Variants in POLR2F observed in about 807,000 individuals in gnomAD.
POLR2F encodes the protein RNA polymerase II, I and III subunit F, also known as DNA-directed RNA polymerases I, II, and III subunit RPABC2.
Under a neutral mutation model 22.7 loss-of-function variants are expected in POLR2F, and 12 were observed. The observed-to-expected ratio is 0.53, with a 90% CI of 0.34 to 0.86. The LOEUF (loss-of-function observed/expected upper bound fraction) is 0.86. Ranked by LOEUF, POLR2F falls within the 40% of genes least tolerant of loss-of-function variation. POLR2F has a pLI of 0.02. For synonymous variants in POLR2F, 57 were observed against 66.0 expected, an observed-to-expected ratio of 0.86 and a Z score of 0.66; for missense variants, 126 against 171.5, an observed-to-expected ratio of 0.73 and a Z score of 1.48.
At chr22:37,970,029 C>T (rs990110790), downstream of POLR2F, among the ~76,000 whole-genome samples, 3 of 152,082 alleles carry the variant, frequency 2.0e-5, no homozygotes, top group Admixed American at 6.6e-5. Context: ...CGTGGTGGCT[C>T]ACACCTGTAA....
At chr22:37,969,806 G>C (rs922162847), downstream of POLR2F, among the ~76,000 whole-genome samples, 2 of 152,154 alleles carry the variant, frequency 1.3e-5, no homozygotes, top group Non-Finnish European at 2.9e-5. Flanking sequence ...CTAGCATAGG[G>C]TGTCTAAGAA....
intron 3 of POLR2F, among the ~76,000 whole-genome samples, chr22:37,960,452 C>T (rs1931587157): frequency 6.6e-6 from 1 of 152,160 alleles, no homozygotes; most frequent in Non-Finnish European, 1.5e-5. Context: ...GCCTGGAGTG[C>T]AGTGGCGCGT....
intron 4 of POLR2F, among the ~76,000 whole-genome samples, chr22:37,981,141 A>G (rs1932383208): frequency 6.6e-6 from 1 of 152,174 alleles, no homozygotes; most frequent in Non-Finnish European, 1.5e-5. Flanking sequence ...CACTCCACAC[A>G]GTCTGTGTGT....
intron 1 of POLR2F, 121 bp downstream of exon 1, chr22:37,953,928 G>C: frequency 1.6e-6 from 2 of 1,215,550 alleles, no homozygotes; most frequent in Non-Finnish European, 2.3e-6. Flanking sequence ...GGGTCCTGAG[G>C]GGGCCGGCGG....
chr22:38,013,446 A>T (rs1235135004), intron 1 of POLR2F, among the ~76,000 whole-genome samples: 1 of 152,218 alleles, frequency 6.6e-6, no homozygotes, highest in Non-Finnish European at 1.5e-5. Flanking sequence ...ACGCCCGGTC[A>T]GTTGTGACTT....
chr22:37,974,283 C>T (rs1161499795), downstream of POLR2F: 5 of 1,044,738 alleles, frequency 4.8e-6, no homozygotes, highest in African/African-American at 1.6e-5. This position sits in a 1 kb window ranked among gnomAD's most constrained non-coding sequence, Gnocchi z 5.4. Flanking sequence ...CCATGGTTCA[C>T]CTTCAGGCAG....
intron 1 of POLR2F, among the ~76,000 whole-genome samples, chr22:38,001,944 C>G (rs2084774332): frequency 6.6e-6 from 1 of 152,100 alleles, no homozygotes. Context: ...TCTCCCACTT[C>G]CGCCTCCTGA....
At chr22:38,007,419 C>T (rs1427504515) in intron 1 of POLR2F, among the ~76,000 whole-genome samples, 1 of 151,966 alleles carries the variant, frequency 6.6e-6, no homozygotes, top group Non-Finnish European at 1.5e-5. Context: ...AGCAGAGACC[C>T]ATGTCAGGGG....
upstream of POLR2F, chr22:37,983,335 C>G (rs1156578585): frequency 1.6e-5 from 25 of 1,595,802 alleles, no homozygotes; most frequent in Non-Finnish European, 2.0e-5. This position sits in a 1 kb window ranked among gnomAD's most constrained non-coding sequence, Gnocchi z 9.5. Flanking sequence ...GGCCCGAGCC[C>G]GGGGGGCGGT....
At chr22:38,027,052 G>A (rs578158754), downstream of POLR2F, among the ~76,000 whole-genome samples, 115 of 152,322 alleles carry the variant, frequency 7.5e-4, no homozygotes, top group African/African-American at 2.6e-3. Context: ...GGATGGTGAT[G>A]GCCTGCGGGA....
intron 1 of POLR2F, among the ~76,000 whole-genome samples, chr22:37,996,969 G>A (rs1167575884): frequency 6.6e-6 from 1 of 152,108 alleles, no homozygotes; most frequent in Non-Finnish European, 1.5e-5. Flanking sequence ...CACCCCTAGG[G>A]CAGGCCACCC....
At chr22:37,956,977 G>C in intron 2 of POLR2F, 135 bp downstream of exon 2, 1 of 747,992 alleles carries the variant, frequency 1.3e-6, no homozygotes, top group Non-Finnish European at 2.4e-6. Context: ...GTTAGAGTGA[G>C]CTGTGTTCCA....
Position 37,967,936 on chromosome 22 carries a change from C to T in POLR2F, c.*221C>T. 8.1e-7 allele frequency: 1 copy of T among 1,232,778 alleles called. No homozygotes were observed. The highest frequency in any genetic ancestry group is 1.0e-6 in the Non-Finnish European group (1 of 983,996). 76.4% of individuals were successfully genotyped at this position (1,232,778 alleles called of 1,614,324 possible). ...TAAGAAGCACCAGGGGCCCTTAGCC[C>T]CTTTGGATCCCCCACATCCTTCCCT... On this transcript the variant is annotated 3_prime_UTR_variant, in exon 5 of 5. Coordinates refer to ENST00000442738, the MANE Select transcript of POLR2F (RefSeq NM_021974.5).
upstream of POLR2F, among the ~76,000 whole-genome samples, chr22:37,985,818 A>AACACAC (rs60447362): frequency 0.027 from 3,903 of 144,438 alleles, 65 homozygotes; most frequent in East Asian, 0.05. Context: ...CAGACACTGG[A>AACACAC]ACACACACAC....
chr22:37,989,897 G>A lies in POLR2F; in HGVS notation c.120+3585G>A, dbSNP rs1041326318. ...CGCTGTCCTCCCTCTGCCTGCTGGC[G>A]GTCTAGGCACTGCTGCAGCCCCACT... On this transcript the variant is annotated intron_variant, in intron 1 of 2. Coordinates refer to the POLR2F transcript ENST00000333418. Among the ~76,000 whole-genome samples the A allele has an allele frequency of 4.6e-5, 7 of 152,282 alleles. 1 individual carries two copies. The highest frequency in any genetic ancestry group is 2.1e-4 in the South Asian group (1 of 4,824).
At chr22:37,989,421 C>A (rs776550381) in intron 1 of POLR2F, among the ~76,000 whole-genome samples, 1 of 152,206 alleles carries the variant, frequency 6.6e-6, no homozygotes, top group Non-Finnish European at 1.5e-5. Flanking sequence ...GCAGCCACCA[C>A]GGCCTCACAG....
chr22:38,037,238 A>G (rs1601921448), intron 5 of POLR2F, among the ~76,000 whole-genome samples: 1 of 142,214 alleles, frequency 7.0e-6, no homozygotes, highest in East Asian at 2.0e-4. Flanking sequence ...TTATTCTGCT[A>G]ATGAGCAACC....
chr22:37,970,854 A>G (rs1932029332), downstream of POLR2F: 1 of 217,074 alleles, frequency 4.6e-6, no homozygotes, highest in Non-Finnish European at 9.4e-6. Flanking sequence ...TCCTGCTTTT[A>G]TCTAAAACAA....
At chr22:37,954,711 A>G (rs374430154) in intron 1 of POLR2F, among the ~76,000 whole-genome samples, 120 of 152,308 alleles carry the variant, frequency 7.9e-4, no homozygotes, top group Middle Eastern at 6.8e-3. Context: ...TTAAAGATAG[A>G]GCCCAAAAAT....
Sources: allele counts gnomAD v4.1 joint callset (sites outside exome capture counted in the v4.1 genomes callset), GRCh38; gene constraint gnomAD v4.1.1; non-coding constraint Gnocchi (gnomAD v3.1); transcripts MANE v1.5; gene names NCBI Gene and HGNC (gene_info 2026-07-23, HGNC 2026-07-21).